The following BFSP2 variants were observed in gnomAD, a reference collection of about 807,000 sequenced individuals.
BFSP2 encodes phakinin.
BFSP2 carries 38 observed loss-of-function variants against 44.9 expected under a neutral mutation model. That is an observed-to-expected ratio of 0.85 (90% CI 0.65 to 1.11). The LOEUF is 1.11. Ranked by LOEUF, BFSP2 falls within the 50% of genes least tolerant of loss-of-function variation. BFSP2 has a pLI of 0.00. For missense variants in BFSP2, 525 were observed against 533.0 expected, an observed-to-expected ratio of 0.99 and a Z score of 0.15; for synonymous variants, 197 against 209.9, an observed-to-expected ratio of 0.94 and a Z score of 0.53.
chr3:133,450,980 A>G (rs1248354539), intron 4 of BFSP2, among the ~76,000 whole-genome samples: 1 of 152,040 alleles, frequency 6.6e-6, no homozygotes, highest in Non-Finnish European at 1.5e-5. Context: ...ACGCATTGGC[A>G]GGTGCCTGTA....
chr3:133,418,107 C>T (rs2619161), intron 1 of BFSP2, among the ~76,000 whole-genome samples: 4 of 123,088 alleles, frequency 3.2e-5, no homozygotes, highest in African/African-American at 1.3e-4. Flanking sequence ...CTCACCCCTG[C>T]CCTCTACCTT....
chr3:133,439,042 T>C (rs1040814730), intron 1 of BFSP2, among the ~76,000 whole-genome samples: 1 of 152,262 alleles, frequency 6.6e-6, no homozygotes, highest in African/African-American at 2.4e-5. Flanking sequence ...AGACTGAGTT[T>C]CCTCATCACA....
chr3:133,472,771 T>C (rs780044042), intron 6 of BFSP2, among the ~76,000 whole-genome samples: 8 of 152,206 alleles, frequency 5.3e-5, no homozygotes, highest in Admixed American at 1.3e-4. Context: ...TACTAATACA[T>C]TTTCTATATG....
In BFSP2 at chr3:133,456,527, G is replaced by A. The variant is rs139443738; in HGVS notation, c.891+6063G>A. ...TTTGGGAGGTCAAGGTGGGCAGATC[G>A]CTTGAGCCCAGGAGTTCAAGACCAG... On this transcript the variant is annotated intron_variant, in intron 4 of 6. Transcript: ENST00000302334. Among the ~76,000 whole-genome samples, 46 of 152,202 alleles carry A rather than the reference G, an allele frequency of 3.0e-4. No individual in the cohort carries two copies. The East Asian group carries it at 8.3e-3, about 28-fold the overall frequency.
intron 1 of BFSP2, among the ~76,000 whole-genome samples, chr3:133,412,829 G>T (rs1342853669): frequency 6.6e-6 from 1 of 152,204 alleles, no homozygotes; most frequent in Non-Finnish European, 1.5e-5. Context: ...CCAGCTCAGG[G>T]GTTCTCTGAA....
chr3:133,431,075 C>A (rs1576574025), intron 1 of BFSP2, among the ~76,000 whole-genome samples: 1 of 99,926 alleles, frequency 1.0e-5, no homozygotes, highest in South Asian at 4.3e-4. Flanking sequence ...CAGCCCAGTT[C>A]ATGGTTCGTT....
At chr3:133,437,860 T>C (rs1397465652) in intron 1 of BFSP2, among the ~76,000 whole-genome samples, 1 of 152,152 alleles carries the variant, frequency 6.6e-6, no homozygotes, top group Admixed American at 6.5e-5. Context: ...AAACAATGAT[T>C]TGGCTACCCG....
chr3:133,431,317 C>A (rs1159219638), intron 1 of BFSP2, among the ~76,000 whole-genome samples: 4 of 152,178 alleles, frequency 2.6e-5, no homozygotes, highest in African/African-American at 9.7e-5. Flanking sequence ...AAATCCCAGC[C>A]ACATCTCCAG....
chr3:133,436,832 A>G (rs573472502), intron 1 of BFSP2, among the ~76,000 whole-genome samples: 16 of 152,082 alleles, frequency 1.1e-4, no homozygotes, highest in Admixed American at 6.5e-5. Context: ...TTCAGTTACC[A>G]CCTATGAGTG....
intron 4 of BFSP2, among the ~76,000 whole-genome samples, chr3:133,465,894 T>C (rs1157725700): frequency 1.3e-5 from 2 of 152,180 alleles, no homozygotes; most frequent in African/African-American, 4.8e-5. Flanking sequence ...GGATCAAAGC[T>C]TTTTCTTTGC....
At chr3:133,420,997 A>T (rs546640097) in intron 1 of BFSP2, among the ~76,000 whole-genome samples, 2 of 152,288 alleles carry the variant, frequency 1.3e-5, no homozygotes, top group South Asian at 4.1e-4. Flanking sequence ...CCATTTCCTT[A>T]TCTACACATT....
chr3:133,450,440 G>C lies in BFSP2; in HGVS notation c.867G>C (p.Glu289Asp), dbSNP rs200862865. ...GAGATGTTGAAAAGAACCGGGTGGA[G>C]GCAGGAGCCCTGCTCCAAGCTAAGG... is the stretch of plus-strand genomic sequence containing the variant. ...WERDVEKNRV[E>D]AGALLQAKQQ... The change falls in exon 4 of 7, where the codon GAG becomes GAC. Residue 289 changes from glutamate (E) to aspartate (D), a missense_variant. By Grantham distance (45) the Glu-to-Asp change is conservative (BLOSUM62 2). Coordinates refer to ENST00000302334, the MANE Select transcript of BFSP2 (RefSeq NM_003571.4). 3.5e-5 allele frequency: 56 copies of C among 1,614,102 alleles called. 1 individual carries two copies. The Admixed American group carries it at 9.2e-4, about 26-fold the overall frequency.
At chr3:133,407,769 A>T (rs562812439) in intron 1 of BFSP2, among the ~76,000 whole-genome samples, 1 of 152,326 alleles carries the variant, frequency 6.6e-6, no homozygotes, top group South Asian at 2.1e-4. Flanking sequence ...AGCATTTGAA[A>T]CCAATAGAGG....
chr3:133,431,828 T>C lies in BFSP2; in HGVS notation c.490-15489T>C, dbSNP rs368278534. On this transcript the variant is annotated intron_variant, in intron 1 of 6. Coordinates refer to ENST00000302334, the MANE Select transcript of BFSP2 (RefSeq NM_003571.4). ...CCAACTCTGGTGCCAACTTAGACAA[T>C]ACCCTTTTAAGCACTCCTTTTTAGT... Among the ~76,000 whole-genome samples the C allele has an allele frequency of 1.6e-4, 25 of 152,154 alleles. 1 individual carries two copies. The South Asian group carries it at 3.5e-3, about 21-fold the overall frequency.
chr3:133,436,475 A>AAG (rs1282352168), intron 1 of BFSP2, among the ~76,000 whole-genome samples: 1 of 152,200 alleles, frequency 6.6e-6, no homozygotes, highest in East Asian at 1.9e-4. Context: ...TATCACAAAC[A>AAG]AGAGAGAGCA....
chr3:133,438,106 C>T (rs1171496382), intron 1 of BFSP2, among the ~76,000 whole-genome samples: 1 of 152,046 alleles, frequency 6.6e-6, no homozygotes, highest in African/African-American at 2.4e-5. Flanking sequence ...ATCAAAACAG[C>T]CAGTAAAGGG....
intron 1 of BFSP2, among the ~76,000 whole-genome samples, chr3:133,412,727 G>A (rs963148753): frequency 2.0e-5 from 3 of 152,246 alleles, no homozygotes; most frequent in Non-Finnish European, 2.9e-5. Context: ...GCACAGGGAG[G>A]CATACCTCGA....
chr3:133,463,573 A>G (rs6770037), intron 4 of BFSP2, among the ~76,000 whole-genome samples: 150,196 of 152,342 alleles, frequency 0.99, 74,130 homozygotes, highest in Middle Eastern at 1. Context: ...CTGCTCATTT[A>G]AGGCATTCTT....
Position 133,417,500 on chromosome 3 carries a change from CCTCTACT to C in BFSP2, c.489+16930_489+16936del, listed in dbSNP as rs1455015719. On this transcript the variant is annotated intron_variant, in intron 1 of 6. Transcript: ENST00000302334. ...CCCTCTACTCACCCCTGCCCTCTCC[CCTCTACT>C]CATCCCTTCCCTCGCTCCCATCTCC... is the stretch of plus-strand genomic sequence containing the variant. Among the ~76,000 whole-genome samples, 2 of 124,070 alleles carry C rather than the reference CCTCTACT, an allele frequency of 1.6e-5. 1 individual carries two copies. Among genetic ancestry groups the C allele is most frequent in the African/African-American group, 6.9e-5 (2 of 29,028 alleles). The allele number at this position is 124,070 out of a possible 152,430, so 81.4% of individuals were successfully genotyped here.
Sources: gnomAD v4.1 joint callset for allele counts (sites outside exome capture counted in the v4.1 genomes callset) on GRCh38, gnomAD v4.1.1 for gene constraint, MANE v1.5 for transcripts, NCBI Gene and HGNC (gene_info 2026-07-23, HGNC 2026-07-21) for gene names.